IGF2BP3: variants seen among roughly 807,000 people sequenced by gnomAD.
IGF2BP3 encodes insulin like growth factor 2 mRNA binding protein 3, also known as insulin-like growth factor 2 mRNA-binding protein 3.
In IGF2BP3, 9 loss-of-function variants were observed where a neutral mutation model predicts 73.8. That is an observed-to-expected ratio of 0.12 (90% CI 0.07 to 0.21). The LOEUF (loss-of-function observed/expected upper bound fraction) is 0.21. Ranked by LOEUF, IGF2BP3 falls within the 10% of genes least tolerant of loss-of-function variation. The pLI is 1.00. For missense variants in IGF2BP3, 542 were observed against 714.0 expected (o/e 0.76, Z 2.75); for synonymous variants, 258 against 256.7 (o/e 1.01, Z -0.05).
rs374475446 is a variant in IGF2BP3, at chr7:23,374,493, T to C, written c.286-12752A>G. ...GAGTTTGAGACCAGCCTGGGCAACATAGGAAAGACCCCATCTCTACAAAAA... is the reference window on the plus strand; with the variant it reads ...GAGTTTGAGACCAGCCTGGGCAACACAGGAAAGACCCCATCTCTACAAAAA... On this transcript the variant is annotated intron_variant, in intron 3 of 14. Coordinates refer to ENST00000258729, the MANE Select transcript of IGF2BP3 (RefSeq NM_006547.3). Among the ~76,000 whole-genome samples the C allele has an allele frequency of 2.0e-4, 31 of 151,950 alleles. 1 individual carries two copies. Among genetic ancestry groups the C allele is most frequent in the Admixed American group, 9.2e-4 (14 of 15,260 alleles).
chr7:23,371,545 T>G (rs2128512015), intron 3 of IGF2BP3, among the ~76,000 whole-genome samples: 1 of 152,356 alleles, frequency 6.6e-6, no homozygotes, highest in African/African-American at 2.4e-5. Context: ...TGTATATTTC[T>G]CTAAAATGTT....
At chr7:23,331,556 C>A (rs187548093) in intron 10 of IGF2BP3, among the ~76,000 whole-genome samples, 15 of 152,020 alleles carry the variant, frequency 9.9e-5, no homozygotes, top group Admixed American at 2.0e-4. Context: ...AAAGAACTAC[C>A]CAAGAATGGG....
intron 2 of IGF2BP3, among the ~76,000 whole-genome samples, chr7:23,440,319 C>T (rs978604290): frequency 2.6e-5 from 4 of 151,832 alleles, no homozygotes; most frequent in African/African-American, 9.7e-5. Flanking sequence ...GCCCTTAATC[C>T]CAGTTACTGC....
At chr7:23,443,171 C>T (rs920830037) in intron 2 of IGF2BP3, among the ~76,000 whole-genome samples, 11 of 142,292 alleles carry the variant, frequency 7.7e-5, no homozygotes, top group African/African-American at 2.1e-4. Context: ...GGTGACACCA[C>T]ACCCAGTGCA....
At chr7:23,329,145 G>A (rs1327144061) in intron 10 of IGF2BP3, among the ~76,000 whole-genome samples, 4 of 151,898 alleles carry the variant, frequency 2.6e-5, no homozygotes, top group African/African-American at 9.7e-5. Flanking sequence ...CCCGGAAGGT[G>A]GAGCTTGCAG....
rs766453333 is a variant in IGF2BP3 at position 23,312,051 on chromosome 7, A to AT, written c.*310dup. On this transcript the variant is annotated 3_prime_UTR_variant, in exon 15 of 15. Coordinates refer to ENST00000258729, the MANE Select transcript of IGF2BP3 (RefSeq NM_006547.3). ...GCATTATGGGGGAATATTAAGAAGAATTAGAATATCTGTTATACTGTGAGA... is the reference window on the plus strand; with the variant it reads ...GCATTATGGGGGAATATTAAGAAGAATTTAGAATATCTGTTATACTGTGAGA... 3.0e-5 allele frequency: 8 copies of AT among 269,656 alleles called. No individual in the cohort carries two copies. The highest frequency in any genetic ancestry group is 4.8e-5 in the Non-Finnish European group (7 of 144,450). The allele number at this position is 269,656 out of a possible 1,614,324, so 16.7% of individuals were successfully genotyped here.
At chr7:23,438,680 G>A (rs565131269) in intron 2 of IGF2BP3, among the ~76,000 whole-genome samples, 1 of 152,154 alleles carries the variant, frequency 6.6e-6, no homozygotes, top group South Asian at 2.1e-4. Context: ...GCTTATAATG[G>A]TTGTTAGGCT....
At chr7:23,351,866 A>G (rs966987993) in intron 5 of IGF2BP3, among the ~76,000 whole-genome samples, 5 of 152,168 alleles carry the variant, frequency 3.3e-5, no homozygotes, top group South Asian at 2.1e-4. Context: ...AAAAATAGAA[A>G]AACAAAAAAC....
intron 3 of IGF2BP3, among the ~76,000 whole-genome samples, chr7:23,401,118 A>G (rs1325412368): frequency 1.3e-5 from 2 of 152,168 alleles, no homozygotes; most frequent in African/African-American, 4.8e-5. Context: ...TTGTTAAACC[A>G]TGATTGAAGA....
chr7:23,313,381 CA>C (rs1168430358), intron 13 of IGF2BP3, 140 bp downstream of exon 13: 1 of 888,708 alleles, frequency 1.1e-6, no homozygotes, highest in Non-Finnish European at 1.7e-6. Flanking sequence ...AGACAGGAAA[CA>C]AAAGGCAATC....
chr7:23,342,018 T>G, intron 10 of IGF2BP3, 46 bp downstream of exon 10: 2 of 1,502,948 alleles, frequency 1.3e-6, no homozygotes, highest in Non-Finnish European at 1.8e-6. Context: ...AGGTTTACAT[T>G]AAGATTTTGC....
rs904379205 is a variant in IGF2BP3, at chr7:23,375,097, A to C, written c.286-13356T>G. 8.5e-5 allele frequency among the ~76,000 whole-genome samples: 13 copies of C among 152,348 alleles called. No homozygotes were observed. In the Middle Eastern group the frequency reaches 0.017, roughly 199 times the overall value. ...TTTAAATTTTCACACTAGAGTGTCA[A>C]ATACTGTTTTAAACATTTTATATAA... On this transcript the variant is annotated intron_variant, in intron 3 of 14. Transcript: ENST00000258729.
In IGF2BP3 at chr7:23,387,371, A is replaced by C. The variant is rs187236938; in HGVS notation, c.286-25630T>G. On this transcript the variant is annotated intron_variant, in intron 3 of 14. Coordinates refer to ENST00000258729, the MANE Select transcript of IGF2BP3 (RefSeq NM_006547.3). ...TGTCACAGTCAGTCAAGAGAAGCCT[A>C]AGGAAACATGACAATGAAATAGTGT... Among the ~76,000 whole-genome samples the C allele has an allele frequency of 5.4e-3, 823 of 152,312 alleles. 8 individuals carry two copies. Among genetic ancestry groups the C allele is most frequent in the Middle Eastern group, 0.041 (12 of 294 alleles).
At chr7:23,330,954 T>C (rs1784429492) in intron 10 of IGF2BP3, among the ~76,000 whole-genome samples, 1 of 151,970 alleles carries the variant, frequency 6.6e-6, no homozygotes, top group Non-Finnish European at 1.5e-5. Flanking sequence ...CACACCACCA[T>C]GCCCGGCTAA....
intron 10 of IGF2BP3, among the ~76,000 whole-genome samples, chr7:23,337,082 A>G (rs947626254): frequency 1.3e-5 from 2 of 152,242 alleles, no homozygotes; most frequent in Non-Finnish European, 2.9e-5. Flanking sequence ...ATAGTTAAGT[A>G]TTAGTGATTT....
intron 10 of IGF2BP3, among the ~76,000 whole-genome samples, chr7:23,324,334 A>G (rs1583884806): frequency 3.3e-5 from 5 of 152,042 alleles, no homozygotes; most frequent in Admixed American, 3.3e-4. Flanking sequence ...AAATGGATAA[A>G]TTCCTCGACA....
At chr7:23,343,208 T>C (rs1348272598) in intron 9 of IGF2BP3, among the ~76,000 whole-genome samples, 2 of 152,234 alleles carry the variant, frequency 1.3e-5, no homozygotes. Context: ...GTTTTAAACC[T>C]GTAATCTTAA....
At chr7:23,355,853 A>C (rs547350311) in intron 5 of IGF2BP3, among the ~76,000 whole-genome samples, 4 of 151,952 alleles carry the variant, frequency 2.6e-5, no homozygotes, top group African/African-American at 9.7e-5. Context: ...GAATTGCTTG[A>C]ATCTGGGAGG....
chr7:23,469,925 C>T lies in IGF2BP3; in HGVS notation c.175+11G>A. The T allele has an allele frequency of 6.2e-7, 1 of 1,603,640 alleles. No individual in the cohort carries two copies. Among genetic ancestry groups the T allele is most frequent in the Non-Finnish European group, 8.5e-7 (1 of 1,176,228 alleles). On this transcript the variant is annotated intron_variant, in intron 1 of 14. Coordinates refer to ENST00000258729, the MANE Select transcript of IGF2BP3 (RefSeq NM_006547.3). The surrounding 1 kb of genome is among the most constrained non-coding windows in gnomAD (Gnocchi z 6.1). ...GGGCGAGAGCCCGGGTGGGGCCAGG[C>T]CCGGGCCCACCTGAAAGCGCCTCGA... is the stretch of plus-strand genomic sequence containing the variant.
Sources: allele counts gnomAD v4.1 joint callset (sites outside exome capture counted in the v4.1 genomes callset), GRCh38; gene constraint gnomAD v4.1.1; non-coding constraint Gnocchi (gnomAD v3.1); transcripts MANE v1.5; gene names NCBI Gene and HGNC (gene_info 2026-07-23, HGNC 2026-07-21).